GSR: variants seen among roughly 807,000 people sequenced by gnomAD.
GSR encodes glutathione reductase, mitochondrial.
Under a neutral mutation model 56.5 loss-of-function variants are expected in GSR, and 48 were observed. That is an observed-to-expected ratio of 0.85 (90% confidence interval 0.67 to 1.08). The LOEUF is 1.08. GSR is among the 50% of genes least tolerant of loss of function. The probability of loss-of-function intolerance (pLI) is 0.00; values close to 1 mark genes in which losing one functional copy is unlikely to be tolerated. For missense variants in GSR, 694 were observed against 703.3 expected, an observed-to-expected ratio of 0.99 and a Z score of 0.15; for synonymous variants, 264 against 270.8, an observed-to-expected ratio of 0.97 and a Z score of 0.25.
intron 6 of GSR, among the ~76,000 whole-genome samples, chr8:30,698,108 G>A (rs1212551384): frequency 6.6e-6 from 1 of 152,000 alleles, no homozygotes; most frequent in Non-Finnish European, 1.5e-5. Context: ...CCAAACAGAA[G>A]CCCCCTCAGT....
intron 8 of GSR, among the ~76,000 whole-genome samples, chr8:30,689,840 G>T: frequency 1.5e-5 from 2 of 132,708 alleles, no homozygotes; most frequent in African/African-American, 5.6e-5. Flanking sequence ...ATAAACATAT[G>T]CATATTATAT....
chr8:30,695,650 AC>A (rs2128742255), intron 7 of GSR, among the ~76,000 whole-genome samples: 1 of 152,268 alleles, frequency 6.6e-6, no homozygotes, highest in East Asian at 1.9e-4. Flanking sequence ...AAGATTGGAC[AC>A]CCCTGCTTTA....
rs1437332688 is a variant in GSR, at chr8:30,703,217, G to A, written c.516C>T (p.Gly172=). Residue 172 remains glycine, a synonymous_variant, in exon 5 of 13, where the codon GGC becomes GGT. Transcript: ENST00000221130. ...LTKSHIEIIR[G]HAAFTSDPKP... ...TGGGATCACTCGTGAAGGCTGCATG[G>A]CCACGGATGATTTCTATATGGGACT... 1.2e-6 allele frequency: 2 copies of A among 1,613,984 alleles called. No individual in the cohort carries two copies. The highest frequency in any genetic ancestry group is 1.7e-6 in the Non-Finnish European group (2 of 1,179,888).
chr8:30,700,704 C>A (rs1005277900), intron 5 of GSR, among the ~76,000 whole-genome samples: 7 of 90,834 alleles, frequency 7.7e-5, no homozygotes, highest in Non-Finnish European at 1.4e-4. Context: ...AGCCTGGGAA[C>A]AGAGCAAGAT....
intron 1 of GSR, among the ~76,000 whole-genome samples, chr8:30,716,512 G>A (rs1304057630): frequency 6.6e-6 from 1 of 152,194 alleles, no homozygotes; most frequent in African/African-American, 2.4e-5. Flanking sequence ...TGGAAGGAAC[G>A]AAAAGCACAT....
Position 30,679,277 on chromosome 8 carries a change from A to T in GSR, c.*243T>A. ...AAAAAACTAGCACAGAGCTGTTAAT[A>T]AAAAAAAAACTTGAAAATATTAATT... On this transcript the variant is annotated 3_prime_UTR_variant, in exon 13 of 13. Transcript: ENST00000221130. The T allele has an allele frequency of 6.4e-6, 3 of 470,580 alleles. No individual in the cohort carries two copies. Among genetic ancestry groups the T allele is most frequent in the East Asian group, 4.0e-5 (1 of 25,200 alleles). The allele number at this position is 470,580 out of a possible 1,614,324, so 29.2% of individuals were successfully genotyped here.
At chr8:30,721,687 T>C (rs540024446) in intron 1 of GSR, among the ~76,000 whole-genome samples, 18 of 151,736 alleles carry the variant, frequency 1.2e-4, no homozygotes, top group Non-Finnish European at 2.4e-4. Flanking sequence ...GGTATCAGTA[T>C]TTCCATATCA....
intron 4 of GSR, 49 bp downstream of exon 4, chr8:30,708,023 T>C (rs1338783087): frequency 8.5e-7 from 1 of 1,169,976 alleles, no homozygotes; most frequent in Admixed American, 1.7e-5. Context: ...AGCTGAGTAC[T>C]CAAGAAGGGA....
chr8:30,686,956 C>T (rs975446828), intron 9 of GSR, among the ~76,000 whole-genome samples: 7 of 151,840 alleles, frequency 4.6e-5, no homozygotes, highest in African/African-American at 1.7e-4. Context: ...CCTGCCTCAG[C>T]CTCCCAAGTA....
chr8:30,693,570 C>A (rs963650597), intron 7 of GSR, among the ~76,000 whole-genome samples: 3 of 151,894 alleles, frequency 2.0e-5, no homozygotes, highest in African/African-American at 7.3e-5. Flanking sequence ...GCTCTACCAC[C>A]CAGGCTGGAG....
intron 1 of GSR, among the ~76,000 whole-genome samples, chr8:30,716,130 A>C (rs1804325573): frequency 6.6e-6 from 1 of 152,190 alleles, no homozygotes; most frequent in South Asian, 2.1e-4. Context: ...CTAAACAGAT[A>C]CAGTCCCTGC....
At chr8:30,713,607 C>T (rs1804230100) in intron 1 of GSR, among the ~76,000 whole-genome samples, 1 of 152,166 alleles carries the variant, frequency 6.6e-6, no homozygotes, top group African/African-American at 2.4e-5. Context: ...GATCCACACA[C>T]CTTGGCCTCC....
intron 1 of GSR, among the ~76,000 whole-genome samples, chr8:30,716,403 A>G (rs888336820): frequency 3.9e-5 from 6 of 152,224 alleles, no homozygotes; most frequent in Admixed American, 2.6e-4. Flanking sequence ...CCACTGTCCT[A>G]TTTTGCCAGC....
Position 30,679,159 on chromosome 8 carries a change from A to AG in GSR, c.*360_*361insC. The AG allele has an allele frequency of 4.6e-6, 1 of 216,944 alleles. No individual in the cohort carries two copies. Among genetic ancestry groups the AG allele is most frequent in the East Asian group, 1.4e-4 (1 of 7,032 alleles). 13.4% of individuals were successfully genotyped at this position (216,944 alleles called of 1,614,324 possible). ...AGCAAAACTCTGTCTCAAAAAAAAAAAAAAAAAAAGTAGCAAGTTCTATTC... is the reference window on the plus strand; with the variant it reads ...AGCAAAACTCTGTCTCAAAAAAAAAAGAAAAAAAAAGTAGCAAGTTCTATTC... On this transcript the variant is annotated 3_prime_UTR_variant, in exon 13 of 13. Transcript: ENST00000221130.
At chr8:30,714,824 C>G (rs1056209202) in intron 1 of GSR, among the ~76,000 whole-genome samples, 1 of 152,164 alleles carries the variant, frequency 6.6e-6, no homozygotes, top group African/African-American at 2.4e-5. Context: ...TGAGCCACCA[C>G]GCTTGGCCTG....
chr8:30,704,513 G>C (rs951862578), intron 4 of GSR: 1 of 152,160 alleles, frequency 6.6e-6, no homozygotes, highest in Non-Finnish European at 1.5e-5. Flanking sequence ...CGCTGGAGAC[G>C]GTGAGAACTC....
rs374364330 is a variant in GSR at position 30,712,092 on chromosome 8, GAA to G, written c.307-6_307-5del. ...TGGGTACACATCCAACATTCACCTG[GAA>G]AAAAAAAAAAGAGACACACTTTAAG... On this transcript the variant is annotated splice_region_variant and splice_polypyrimidine_tract_variant and intron_variant, in intron 1 of 12. Coordinates refer to ENST00000221130, the MANE Select transcript of GSR (RefSeq NM_000637.5). The G allele has an allele frequency of 7.9e-4, 884 of 1,124,792 alleles. No homozygotes were observed. The highest frequency in any genetic ancestry group is 1.1e-3 in the South Asian group (69 of 64,308). 69.7% of individuals were successfully genotyped at this position (1,124,792 alleles called of 1,614,324 possible).
intron 1 of GSR, among the ~76,000 whole-genome samples, chr8:30,715,445 C>T (rs1306878184): frequency 6.6e-6 from 1 of 152,140 alleles, no homozygotes; most frequent in African/African-American, 2.4e-5. Flanking sequence ...GGAGGACGCA[C>T]AGCAGGGGTT....
chr8:30,699,269 C>T (rs771241302), intron 6 of GSR, among the ~76,000 whole-genome samples: 11 of 151,394 alleles, frequency 7.3e-5, no homozygotes, highest in African/African-American at 2.2e-4. Flanking sequence ...CCTGCCTGGG[C>T]GATGGAAGAA....
Sources: allele counts gnomAD v4.1 joint callset (sites outside exome capture counted in the v4.1 genomes callset), GRCh38; gene constraint gnomAD v4.1.1; transcripts MANE v1.5; gene names NCBI Gene and HGNC (gene_info 2026-07-23, HGNC 2026-07-21).